HS6ST2: variants seen among roughly 807,000 people sequenced by gnomAD.
The protein encoded by HS6ST2 is heparan-sulfate 6-O-sulfotransferase 2.
HS6ST2 carries 17 observed loss-of-function variants against 33.0 expected under a neutral mutation model. That is an observed-to-expected ratio of 0.52 (90% CI 0.35 to 0.77). The LOEUF is 0.77. Ranked by LOEUF, HS6ST2 falls within the 30% of genes least tolerant of loss-of-function variation. The pLI is 0.01. For synonymous variants in HS6ST2, 248 were observed against 237.1 expected (o/e 1.05, Z -0.42); for missense variants, 519 against 551.7 (o/e 0.94, Z 0.59).
At chrX:132,670,738 G>C (rs771596173) in intron 3 of HS6ST2, among the ~76,000 whole-genome samples, 1 of 112,704 alleles carries the variant, frequency 8.9e-6, no homozygotes, top group African/African-American at 3.2e-5. Context: ...GCTTGAACCC[G>C]GGAGGTGGAG....
intron 2 of HS6ST2, among the ~76,000 whole-genome samples, chrX:132,796,742 TA>T (rs2065183767): frequency 8.9e-6 from 1 of 111,953 alleles, no homozygotes; most frequent in Non-Finnish European, 1.9e-5. Flanking sequence ...CCCCTCACAT[TA>T]GGCTACTGAT....
chrX:132,792,734 T>C (rs935939565), intron 2 of HS6ST2, among the ~76,000 whole-genome samples: 1 of 111,950 alleles, frequency 8.9e-6, no homozygotes, highest in Non-Finnish European at 1.9e-5. Flanking sequence ...TAATATTTCA[T>C]ATAAATGGAA....
chrX:132,643,448 A>G (rs2063616608), intron 4 of HS6ST2, among the ~76,000 whole-genome samples: 1 of 111,955 alleles, frequency 8.9e-6, no homozygotes, highest in South Asian at 3.8e-4. Flanking sequence ...TGTGAATGGA[A>G]CCAATGAGAG....
At chrX:132,717,389 C>G (rs764265965) in intron 2 of HS6ST2, among the ~76,000 whole-genome samples, 1 of 112,664 alleles carries the variant, frequency 8.9e-6, no homozygotes, top group South Asian at 3.7e-4. Context: ...TAATTTTTCT[C>G]AATAAAACTG....
intron 3 of HS6ST2, among the ~76,000 whole-genome samples, chrX:132,698,184 T>C (rs1264214994): frequency 8.9e-6 from 1 of 112,061 alleles, no homozygotes; most frequent in African/African-American, 3.2e-5. Flanking sequence ...TGTATTAGCA[T>C]TCTACAGATT....
chrX:132,927,417 C>G (rs1199515399), intron 2 of HS6ST2, among the ~76,000 whole-genome samples: 1 of 111,912 alleles, frequency 8.9e-6, no homozygotes, highest in Non-Finnish European at 1.9e-5. Context: ...CCAATGCCTT[C>G]TCACTGCTCT....
chrX:132,727,360 A>T (rs184374724), intron 2 of HS6ST2, among the ~76,000 whole-genome samples: 1 of 111,155 alleles, frequency 9.0e-6, no homozygotes, highest in East Asian at 2.8e-4. Context: ...TCAAGGGTGA[A>T]TAAGACATGG....
chrX:132,846,175 A>C (rs1239460242), intron 2 of HS6ST2, among the ~76,000 whole-genome samples: 2 of 112,465 alleles, frequency 1.8e-5, no homozygotes, highest in Admixed American at 1.9e-4. Context: ...AACCATTCTT[A>C]GTTTGTGTGC....
chrX:132,805,792 T>G (rs1211799596), intron 2 of HS6ST2, among the ~76,000 whole-genome samples: 1 of 110,388 alleles, frequency 9.1e-6, no homozygotes, highest in Admixed American at 9.6e-5. Flanking sequence ...GCATATGAAA[T>G]TTAATATCTC....
At chrX:132,659,776 C>A (rs1310008910) in intron 4 of HS6ST2, among the ~76,000 whole-genome samples, 3 of 111,715 alleles carry the variant, frequency 2.7e-5, no homozygotes, top group African/African-American at 9.8e-5. Context: ...TGAGATTCCT[C>A]CTCAGTAGAA....
intron 2 of HS6ST2, among the ~76,000 whole-genome samples, chrX:132,857,679 G>A (rs1464599746): frequency 1.8e-5 from 2 of 111,042 alleles, no homozygotes; most frequent in African/African-American, 6.6e-5. Flanking sequence ...CACTTGGTCC[G>A]GAGAAGGAAG....
chrX:132,914,186 A>G (rs2066562916), intron 2 of HS6ST2, among the ~76,000 whole-genome samples: 2 of 112,684 alleles, frequency 1.8e-5, no homozygotes, highest in Non-Finnish European at 3.7e-5. Flanking sequence ...GCTCTCCCAG[A>G]GGGAGAAAAA....
At chrX:132,693,982 A>C (rs1483947931) in intron 3 of HS6ST2, among the ~76,000 whole-genome samples, 5 of 112,069 alleles carry the variant, frequency 4.5e-5, no homozygotes, top group Admixed American at 1.9e-4. Context: ...CCTGAGAAAA[A>C]CTGAGAAAGC....
intron 2 of HS6ST2, among the ~76,000 whole-genome samples, chrX:132,928,050 G>A (rs2066727901): frequency 9.1e-6 from 1 of 109,807 alleles, no homozygotes; most frequent in South Asian, 3.9e-4. Context: ...AGGTGAAAGG[G>A]TAGCAGGCAT....
At position 132,940,397 on chromosome X, in the gene HS6ST2, C is replaced by G. The variant is rs141460156; in HGVS notation, c.947+16411G>C. On this transcript the variant is annotated intron_variant, in intron 2 of 4. Transcript: ENST00000370833. ...AAATTTTTGTGAACACTAGGCAAAG[C>G]CTTCAGAAGTGACAAAGAAAAAAAT... Among the ~76,000 whole-genome samples the G allele has an allele frequency of 5.6e-3, 626 of 111,216 alleles. 3 individuals carry two copies. The highest frequency in any genetic ancestry group is 0.018 in the African/African-American group (544 of 30,634).
intron 2 of HS6ST2, 27 bp from the exon 3 acceptor site, chrX:132,708,521 G>A (rs2064204923): frequency 3.5e-6 from 4 of 1,146,196 alleles, no homozygotes; most frequent in East Asian, 3.1e-5. Context: ...AAAACCAGTC[G>A]CTAGCAAGAG....
intron 2 of HS6ST2, among the ~76,000 whole-genome samples, chrX:132,911,662 G>A (rs1422978253): frequency 1.7e-4 from 11 of 65,346 alleles, no homozygotes; most frequent in Non-Finnish European, 2.6e-4. Context: ...TTTTTGAGAC[G>A]GAGTCTCGCT....
rs1346363333 is a variant in HS6ST2, at chrX:132,658,325, G to A, written c.1067+10788C>T. Among the ~76,000 whole-genome samples the A allele has an allele frequency of 5.4e-5, 6 of 111,715 alleles. No individual in the cohort carries two copies. In the East Asian group the frequency reaches 1.4e-3, roughly 26 times the overall value. On this transcript the variant is annotated intron_variant, in intron 4 of 4. Coordinates refer to ENST00000370833, the MANE Select transcript of HS6ST2 (RefSeq NM_001394073.1). Reference sequence around the variant, plus strand: ...ATGCATTTAAAGCACTCCGAACAGGGCCTGGTGCATAGGAAGCACTCAATA... The same window carrying A: ...ATGCATTTAAAGCACTCCGAACAGGACCTGGTGCATAGGAAGCACTCAATA...
At chrX:132,761,920 C>T (rs976189677) in intron 2 of HS6ST2, among the ~76,000 whole-genome samples, 12 of 111,865 alleles carry the variant, frequency 1.1e-4, no homozygotes, top group African/African-American at 3.6e-4. Flanking sequence ...TTCATCTGTA[C>T]AATGGGGGTA....
Sources: gnomAD v4.1 joint callset for allele counts (sites outside exome capture counted in the v4.1 genomes callset) on GRCh38, gnomAD v4.1.1 for gene constraint, MANE v1.5 for transcripts, NCBI Gene and HGNC (gene_info 2026-07-23, HGNC 2026-07-21) for gene names.